CUL1: variants seen among roughly 807,000 people sequenced by gnomAD.
CUL1 encodes cullin 1, also known as cullin-1.
Under a neutral mutation model 118.0 loss-of-function variants are expected in CUL1, and 24 were observed. The ratio of observed to expected loss-of-function variants is 0.20; its 90% CI spans 0.15 to 0.29. CUL1 has a LOEUF of 0.29. Among genes scored for constraint, CUL1 ranks in the 10% least tolerant of loss-of-function variants. The pLI is 1.00. For synonymous variants in CUL1, 332 were observed against 340.4 expected, an observed-to-expected ratio of 0.98 and a Z score of 0.27; for missense variants, 361 against 933.8, an observed-to-expected ratio of 0.39 and a Z score of 7.99.
intron 1 of CUL1, among the ~76,000 whole-genome samples, chr7:148,725,019 A>G (rs998802466): frequency 6.6e-6 from 1 of 152,162 alleles, no homozygotes; most frequent in Non-Finnish European, 1.5e-5. Context: ...GCTTGATTAT[A>G]AGATATGGAT....
intron 17 of CUL1, among the ~76,000 whole-genome samples, chr7:148,795,575 G>A (rs1158551435): frequency 6.6e-6 from 1 of 152,020 alleles, no homozygotes; most frequent in African/African-American, 2.4e-5. Flanking sequence ...GACCATCCTG[G>A]CTAACATGGT....
chr7:148,755,147 A>C (rs576010145), intron 3 of CUL1, among the ~76,000 whole-genome samples: 1 of 151,814 alleles, frequency 6.6e-6, no homozygotes, highest in African/African-American at 2.4e-5. Flanking sequence ...GGTCCCTCCC[A>C]CTCCAAGCCT....
At chr7:148,763,846 C>G (rs568275445) in intron 7 of CUL1, among the ~76,000 whole-genome samples, 3 of 152,304 alleles carry the variant, frequency 2.0e-5, no homozygotes, top group Admixed American at 1.3e-4. Context: ...TGAGATAAAA[C>G]ATGACCCTTC....
In CUL1 at chr7:148,800,957, CCTG is replaced by C. The variant is rs1282294156; in HGVS notation, c.*378_*380del. The C allele has an allele frequency of 5.8e-6, 1 of 173,270 alleles. No individual in the cohort carries two copies. Among genetic ancestry groups the C allele is most frequent in the African/African-American group, 2.4e-5 (1 of 42,166 alleles). 10.7% of individuals were successfully genotyped at this position (173,270 alleles called of 1,614,324 possible). ...CAAGTCTGAGTGGACCCACATGTAA[CCTG>C]CTATGAAAACCATTTGTATAGTGTG... On this transcript the variant is annotated 3_prime_UTR_variant, in exon 22 of 22. Transcript: ENST00000325222. The surrounding 1 kb of genome is among the most constrained non-coding windows in gnomAD (Gnocchi z 4.6).
intron 17 of CUL1, among the ~76,000 whole-genome samples, chr7:148,795,769 C>CAAAAAA (rs915978562): frequency 0.012 from 664 of 56,080 alleles, 3 homozygotes; most frequent in African/African-American, 0.04. Context: ...GACTCTGTCT[C>CAAAAAA]AAAAAAAAAA....
At chr7:148,780,651 G>A (rs1563167357) in intron 9 of CUL1, among the ~76,000 whole-genome samples, 1 of 152,194 alleles carries the variant, frequency 6.6e-6, no homozygotes. Flanking sequence ...TGGTGTGGAT[G>A]TGAATGTGTC....
chr7:148,765,188 C>G (rs1027913571), intron 7 of CUL1, among the ~76,000 whole-genome samples: 1 of 152,128 alleles, frequency 6.6e-6, no homozygotes, highest in Admixed American at 6.5e-5. Flanking sequence ...TTCTGACTTA[C>G]GTGGTTTAAA....
At chr7:148,744,234 C>T (rs1390099983) in intron 2 of CUL1, among the ~76,000 whole-genome samples, 1 of 152,084 alleles carries the variant, frequency 6.6e-6, no homozygotes, top group Non-Finnish European at 1.5e-5. Context: ...GTAGTTTTAG[C>T]CCATTAACAT....
At chr7:148,759,396 C>T in intron 5 of CUL1, 42 bp downstream of exon 5, 2 of 1,602,308 alleles carry the variant, frequency 1.2e-6, no homozygotes, top group Non-Finnish European at 1.7e-6. Flanking sequence ...TTTTAAAATC[C>T]CTTCGCAGTT....
chr7:148,772,668 G>A (rs915671118), intron 9 of CUL1, among the ~76,000 whole-genome samples: 2 of 152,160 alleles, frequency 1.3e-5, no homozygotes, highest in South Asian at 4.1e-4. Context: ...ACATCTCCGT[G>A]ACCTCATCTG....
At chr7:148,704,724 A>G (rs1054657241) in intron 1 of CUL1, among the ~76,000 whole-genome samples, 3 of 152,258 alleles carry the variant, frequency 2.0e-5, no homozygotes. Flanking sequence ...GTGTGAGTAT[A>G]TGCATTTTTT....
At chr7:148,710,437 T>C (rs1798013939) in intron 1 of CUL1, among the ~76,000 whole-genome samples, 1 of 151,886 alleles carries the variant, frequency 6.6e-6, no homozygotes, top group Non-Finnish European at 1.5e-5. Context: ...GGCATGGTGG[T>C]GCATGCCTGT....
intron 9 of CUL1, among the ~76,000 whole-genome samples, chr7:148,776,287 T>G (rs1212299857): frequency 1.4e-5 from 2 of 143,074 alleles, no homozygotes; most frequent in African/African-American, 5.2e-5. Context: ...TTTGTCATTT[T>G]GGAGTCTAAC....
At chr7:148,791,633 G>A (rs180733421) in intron 16 of CUL1, among the ~76,000 whole-genome samples, 112 of 152,350 alleles carry the variant, frequency 7.4e-4, no homozygotes, top group Non-Finnish European at 1.1e-3. Flanking sequence ...CAACACGCTC[G>A]TTCCCTTGTA....
intron 1 of CUL1, among the ~76,000 whole-genome samples, chr7:148,710,436 G>T (rs924769310): frequency 6.6e-6 from 1 of 152,068 alleles, no homozygotes; most frequent in Non-Finnish European, 1.5e-5. Flanking sequence ...AGGCATGGTG[G>T]TGCATGCCTG....
At position 148,754,156 on chromosome 7, in the gene CUL1, A is replaced by G. The variant is rs1799582618; in HGVS notation, c.315+6A>G. 2.0e-6 allele frequency: 3 copies of G among 1,535,080 alleles called. No homozygotes were observed. The highest frequency in any genetic ancestry group is 2.7e-6 in the Non-Finnish European group (3 of 1,116,028). On this transcript the variant is annotated splice_donor_region_variant and intron_variant, in intron 3 of 21. Transcript: ENST00000325222. The stretch of plus-strand genomic sequence containing the variant: ...ACTTGACAAATCTTCTTAAGGTAAG[A>G]TGTTTTATATATATACTGAGTATTC...
rs375091492 is a variant in CUL1, at chr7:148,798,650, C to T, written c.2109C>T (p.Ile703=). The change falls in exon 20 of 22, where the codon ATC becomes ATT. Residue 703 remains isoleucine (I), a synonymous_variant. Transcript: ENST00000325222. Reference sequence around the variant, plus strand: ...AACAAGAAACCACACACAAAAACATCGAGGAAGACCGCAAACTACTGATTC... The same window carrying T: ...AACAAGAAACCACACACAAAAACATTGAGGAAGACCGCAAACTACTGATTC... ...KQEQETTHKN[I]EEDRKLLIQA... 16 of 1,613,890 alleles carry T rather than the reference C, an allele frequency of 9.9e-6. No individual in the cohort carries two copies. Among genetic ancestry groups the T allele is most frequent in the African/African-American group, 2.7e-5 (2 of 74,884 alleles).
At chr7:148,713,846 C>T (rs1016036822) in intron 1 of CUL1, among the ~76,000 whole-genome samples, 6 of 152,288 alleles carry the variant, frequency 3.9e-5, no homozygotes, top group Middle Eastern at 3.4e-3. Flanking sequence ...GCTTCAGCCT[C>T]CCAAGTAGCT....
intron 9 of CUL1, among the ~76,000 whole-genome samples, chr7:148,768,378 C>CTTTTTTTTTTTTTTTTT (rs10595637): frequency 1.1e-5 from 1 of 94,868 alleles, no homozygotes; most frequent in African/African-American, 4.1e-5. Context: ...AAGAAAAGCT[C>CTTTTTTTTTTTTTTTTT]TTTTTTTTTT....
Sources: gnomAD v4.1 joint callset for allele counts (sites outside exome capture counted in the v4.1 genomes callset) on GRCh38, gnomAD v4.1.1 for gene constraint, Gnocchi (gnomAD v3.1) non-coding constraint, MANE v1.5 for transcripts, NCBI Gene and HGNC (gene_info 2026-07-23, HGNC 2026-07-21) for gene names.